Variants in TNXB observed in about 807,000 individuals in gnomAD.
TNXB encodes the protein tenascin-X.
Under a neutral mutation model 340.5 loss-of-function variants are expected in TNXB, and 183 were observed. The ratio of observed to expected loss-of-function variants is 0.54; its 90% CI spans 0.48 to 0.61. The LOEUF is 0.61. Among genes scored for constraint, TNXB ranks in the 20% least tolerant of loss-of-function variants. The probability of loss-of-function intolerance (pLI) is 0.00; values close to 1 mark genes in which losing one functional copy is unlikely to be tolerated. For missense variants in TNXB, 4,613 were observed against 5,446.4 expected, an observed-to-expected ratio of 0.85 and a Z score of 4.82; for synonymous variants, 2,121 against 2,314.5, an observed-to-expected ratio of 0.92 and a Z score of 2.40.
At position 32,069,472 on chromosome 6, in the gene TNXB, G is replaced by T; in HGVS notation, c.5587+81C>A. Reference sequence around the variant, plus strand: ...CAATGGAAATGATATAAAATGGGAAGCTCAGAGATCTTATGGCTCAGTCAG... The same window carrying T: ...CAATGGAAATGATATAAAATGGGAATCTCAGAGATCTTATGGCTCAGTCAG... On this transcript the variant is annotated intron_variant, in intron 15 of 43. Transcript: ENST00000644971. The surrounding 1 kb of genome is among the most constrained non-coding windows in gnomAD (Gnocchi z 6.2). 1 of 1,435,088 alleles carries T rather than the reference G, an allele frequency of 7.0e-7. No individual in the cohort carries two copies. The highest frequency in any genetic ancestry group is 9.3e-7 in the Non-Finnish European group (1 of 1,076,934). The allele number at this position is 1,435,088 out of a possible 1,614,324, so 88.9% of individuals were successfully genotyped here.
In TNXB at chr6:32,070,541, C is replaced by A; in HGVS notation, c.4991-127G>T. ...TCCCCAAAATATTTCCATCACCTCC[C>A]ATCCTCACCACCATCTCCGTCTGGT... On this transcript the variant is annotated intron_variant, in intron 13 of 43. Coordinates refer to ENST00000644971, the MANE Select transcript of TNXB (RefSeq NM_001365276.2). This position sits in a 1 kb window ranked among gnomAD's most constrained non-coding sequence, Gnocchi z 6.0. The A allele has an allele frequency of 9.6e-7, 1 of 1,041,646 alleles. No homozygotes were observed. 64.5% of individuals were successfully genotyped at this position (1,041,646 alleles called of 1,614,324 possible).
Position 32,097,787 on chromosome 6 carries a change from C to T in TNXB, c.403+9G>A. ...ACCTCTCCACCCTCTTCTGTGATCA[C>T]CTGCTCACCTGTGCCAGCTTGGGCA... is the stretch of plus-strand genomic sequence containing the variant. On this transcript the variant is annotated intron_variant, in intron 2 of 43. Transcript: ENST00000644971. The surrounding 1 kb of genome is among the most constrained non-coding windows in gnomAD (Gnocchi z 5.9). 1.3e-6 allele frequency: 2 copies of T among 1,500,860 alleles called. No individual in the cohort carries two copies. The highest frequency in any genetic ancestry group is 1.4e-5 in the African/African-American group (1 of 71,760). The allele number at this position is 1,500,860 out of a possible 1,614,324, so 93.0% of individuals were successfully genotyped here.
chr6:32,048,640 G>A lies in TNXB; in HGVS notation c.9768C>T (p.Pro3256=), dbSNP rs765359950. 3.4e-6 allele frequency: 5 copies of A among 1,484,880 alleles called. No homozygotes were observed. The Admixed American group carries it at 1.1e-4, about 31-fold the overall frequency. 92.0% of individuals were successfully genotyped at this position (1,484,880 alleles called of 1,614,324 possible). The change falls in exon 29 of 44, where the codon CCC becomes CCT. Residue 3256 remains proline, a synonymous_variant. Transcript: ENST00000644971. ...VSTVGITAPL[P]TPLPVEPRLG... ...GGCGGGGCTCCACCGGCAGTGGTGTGGGCAGGGGCGCTGAAAAGAGCAGAG... is the reference window on the plus strand; with the variant it reads ...GGCGGGGCTCCACCGGCAGTGGTGTAGGCAGGGGCGCTGAAAAGAGCAGAG...
chr6:32,056,922 G>A lies in TNXB; in HGVS notation c.7826-19C>T, dbSNP rs371700703. 2.5e-6 allele frequency: 4 copies of A among 1,606,460 alleles called. No individual in the cohort carries two copies. The highest frequency in any genetic ancestry group is 1.1e-5 in the South Asian group (1 of 90,990). Reference sequence around the variant, plus strand: ...TCATCCTCTGGAGTTGGACAGACACGTGTGGGGACAGTGAGGTCCCTGGCT... The same window carrying A: ...TCATCCTCTGGAGTTGGACAGACACATGTGGGGACAGTGAGGTCCCTGGCT... On this transcript the variant is annotated intron_variant, in intron 22 of 43. Coordinates refer to ENST00000644971, the MANE Select transcript of TNXB (RefSeq NM_001365276.2).
In TNXB at chr6:32,108,564, C is replaced by T. The variant is rs1781090132; in HGVS notation, c.-9+617G>A. On this transcript the variant is annotated intron_variant, in intron 1 of 43. Transcript: ENST00000644971. This position sits in a 1 kb window ranked among gnomAD's most constrained non-coding sequence, Gnocchi z 4.8. The stretch of plus-strand genomic sequence containing the variant: ...CCTCTCTGCAGGCTCTGTGCACGTC[C>T]CAGACCCGAGTCCTGACTGTCCCAT... Among the ~76,000 whole-genome samples the T allele has an allele frequency of 6.6e-6, 1 of 152,130 alleles. No homozygotes were observed. The highest frequency in any genetic ancestry group is 1.5e-5 in the Non-Finnish European group (1 of 68,006).
At position 32,047,968 on chromosome 6, in the gene TNXB, TCA is replaced by T; in HGVS notation, c.10088_10089del (p.Val3363AspfsTer6). 2 of 1,610,662 alleles carry T rather than the reference TCA, an allele frequency of 1.2e-6. No homozygotes were observed. Among genetic ancestry groups the T allele is most frequent in the Non-Finnish European group, 1.7e-6 (2 of 1,178,990 alleles). On this transcript the variant is annotated frameshift_variant, in exon 30 of 44. Coordinates refer to ENST00000644971, the MANE Select transcript of TNXB (RefSeq NM_001365276.2). LOFTEE classifies it high-confidence loss of function. The surrounding 1 kb of genome is among the most constrained non-coding windows in gnomAD (Gnocchi z 6.2). The stretch of plus-strand genomic sequence containing the variant: ...CCCACGGAGTCAGGGGTCGCATCTG[TCA>T]CAGTCAGCTCCCCCAGGCGGGGAGA... ...KPSPRLGELTVTDATPDSVGL... is the reference protein window; with the variant it reads ...KPSPRLGELTXTDATPDSVGL...
chr6:32,097,654 TC>T lies in TNXB; in HGVS notation c.403+141del. ...GTTGACATGTAGCCCAGCTCTGCTC[TC>T]CAAGTTGTGTTCTGGGCTGCATCCA... On this transcript the variant is annotated intron_variant, in intron 2 of 43. Transcript: ENST00000644971. The surrounding 1 kb of genome is among the most constrained non-coding windows in gnomAD (Gnocchi z 5.9). The T allele has an allele frequency of 8.6e-7, 1 of 1,163,100 alleles. No individual in the cohort carries two copies. The allele number at this position is 1,163,100 out of a possible 1,614,324, so 72.0% of individuals were successfully genotyped here.
Position 32,049,545 on chromosome 6 carries a change from G to C in TNXB, c.9482C>G (p.Pro3161Arg), listed in dbSNP as rs757265209. Residue 3161 changes from proline to arginine, a missense_variant, in exon 28 of 44, where the codon CCG (proline) becomes CGG (arginine). Transcript: ENST00000644971. The surrounding 1 kb of genome is among the most constrained non-coding windows in gnomAD (Gnocchi z 4.5). ...PSPTEPSTEA[P>R]EAPEEPLLGE... Reference sequence around the variant, plus strand: ...CAGGAGCGGCTCCTCAGGGGCCTCCGGGGCCTCAGTGCTGGGTTCTGTGGG... The same window carrying C: ...CAGGAGCGGCTCCTCAGGGGCCTCCCGGGCCTCAGTGCTGGGTTCTGTGGG... 5.0e-5 allele frequency: 81 copies of C among 1,612,490 alleles called. 1 individual carries two copies. The East Asian group carries it at 1.2e-3, about 24-fold the overall frequency.
intron 1 of TNXB, among the ~76,000 whole-genome samples, chr6:32,107,696 C>T (rs1781049606): frequency 6.6e-6 from 1 of 152,110 alleles, no homozygotes; most frequent in African/African-American, 2.4e-5. Context: ...AACTTTGACA[C>T]TTTGCTCATT....
At chr6:32,098,858 T>A (rs143631267) in intron 1 of TNXB, among the ~76,000 whole-genome samples, 1,977 of 152,336 alleles carry the variant, frequency 0.013, 36 homozygotes, top group Admixed American at 0.036. Context: ...GTGTTCCCTA[T>A]GTCTGGGATG....
intron 1 of TNXB, among the ~76,000 whole-genome samples, chr6:32,106,857 G>C (rs1012034656): frequency 3.9e-5 from 6 of 152,224 alleles, no homozygotes; most frequent in African/African-American, 1.4e-4. Flanking sequence ...CTTGCACAAA[G>C]ATGTGTACAC....
chr6:32,068,386 T>C lies in TNXB; in HGVS notation c.6220+4A>G. 1 of 1,612,752 alleles carries C rather than the reference T, an allele frequency of 6.2e-7. No individual in the cohort carries two copies. Among genetic ancestry groups the C allele is most frequent in the Non-Finnish European group, 8.5e-7 (1 of 1,179,118 alleles). ...CCACCCTGGGGCTCCCATCATCCAC[T>C]CACCTGTCACCCCGACGACAGACAC... On this transcript the variant is annotated splice_donor_region_variant and intron_variant, in intron 17 of 43. Coordinates refer to ENST00000644971, the MANE Select transcript of TNXB (RefSeq NM_001365276.2). The surrounding 1 kb of genome is among the most constrained non-coding windows in gnomAD (Gnocchi z 5.3).
At position 32,069,649 on chromosome 6, in the gene TNXB, C is replaced by T. The variant is rs188124424; in HGVS notation, c.5491G>A (p.Val1831Met). 1.9e-4 allele frequency: 305 copies of T among 1,612,910 alleles called. No homozygotes were observed. Among genetic ancestry groups the T allele is most frequent in the Non-Finnish European group, 2.4e-4 (285 of 1,179,550 alleles). ...PVEGSLREVS[V>M]PGLDPAHRYK... ...CTGTGGGCAGGGTCCAGGCCCGGCA[C>T]GCTGACCTCCCTGAGGCTGCCCTCC... Residue 1831 changes from valine (V) to methionine (M), a missense_variant, in exon 15 of 44, where the codon GTG (valine) becomes ATG (methionine). Physicochemically the swap from Val to Met is conservative, Grantham distance 21 (BLOSUM62 1). Around this residue, in one of 7 missense-constraint regions of TNXB, gnomAD observed 4,327 missense variants for 4,859.4 expected, o/e 0.89. Coordinates refer to ENST00000644971, the MANE Select transcript of TNXB (RefSeq NM_001365276.2). The surrounding 1 kb of genome is among the most constrained non-coding windows in gnomAD (Gnocchi z 6.2).
Position 32,096,188 on chromosome 6 carries a change from G to T in TNXB, c.1665C>A (p.Ser555Arg). The change falls in exon 3 of 44, where the codon AGC (serine) becomes AGA (arginine). Residue 555 changes from serine (S) to arginine (R), a missense_variant. Around this residue, in one of 7 missense-constraint regions of TNXB, gnomAD observed 4,327 missense variants for 4,859.4 expected, o/e 0.89. Transcript: ENST00000644971. ...GGCAGCCCCCGGGGCAGCTGCGCGT[G>T]CTGCAGTCTTCCCCTGAGTAGCCTG... ...CDAGYSGEDC[S>R]TRSCPGGCRG... 1 of 1,568,464 alleles carries T rather than the reference G, an allele frequency of 6.4e-7. No individual in the cohort carries two copies.
At chr6:32,100,601 C>T (rs766601523) in intron 1 of TNXB, among the ~76,000 whole-genome samples, 4 of 152,054 alleles carry the variant, frequency 2.6e-5, no homozygotes, top group Non-Finnish European at 4.4e-5. Flanking sequence ...TGGTGGTACA[C>T]CTGTAGTCCC....
In TNXB at chr6:32,081,855, C is replaced by G. The variant is rs1779470309; in HGVS notation, c.3736+181G>C. The stretch of plus-strand genomic sequence containing the variant: ...ACACCTTCTGGGCCACGGGGAGCTG[C>G]TGCTTGGGATGGAAGGGGCCCAGCA... On this transcript the variant is annotated intron_variant, in intron 9 of 43. Transcript: ENST00000644971. The surrounding 1 kb of genome is among the most constrained non-coding windows in gnomAD (Gnocchi z 5.1). Among the ~76,000 whole-genome samples the G allele has an allele frequency of 6.6e-6, 1 of 152,144 alleles. No homozygotes were observed. The highest frequency in any genetic ancestry group is 1.5e-5 in the Non-Finnish European group (1 of 68,010).
chr6:32,052,835 C>A lies in TNXB; in HGVS notation c.8950G>T (p.Val2984Leu). ...CGCCCGTCCCTGTCCTTGTACTGCACAGTGAAGGAGTCGAAGCGGCCCTGG... is the reference window on the plus strand; with the variant it reads ...CGCCCGTCCCTGTCCTTGTACTGCAAAGTGAAGGAGTCGAAGCGGCCCTGG... ...IPQGRFDSFTVQYKDRDGRPQ... is the reference protein window; with the variant it reads ...IPQGRFDSFTLQYKDRDGRPQ... Residue 2984 changes from valine (V) to leucine (L), a missense_variant, in exon 26 of 44, where the codon GTG (valine) becomes TTG (leucine). This residue lies in a region of TNXB where 4,327 missense variants were observed against 4,859.4 expected (regional missense o/e 0.89). Coordinates refer to ENST00000644971, the MANE Select transcript of TNXB (RefSeq NM_001365276.2). The surrounding 1 kb of genome is among the most constrained non-coding windows in gnomAD (Gnocchi z 4.7). 3 of 1,613,660 alleles carry A rather than the reference C, an allele frequency of 1.9e-6. No individual in the cohort carries two copies. The highest frequency in any genetic ancestry group is 2.5e-6 in the Non-Finnish European group (3 of 1,179,892).
In TNXB at chr6:32,096,154, C is replaced by T. The variant is rs1193189844; in HGVS notation, c.1699G>A (p.Gly567Ser). Reference protein sequence around the residue: ...RSCPGGCRGRGQCLDGRCVCE... With the variant: ...RSCPGGCRGRSQCLDGRCVCE... Reference sequence around the variant, plus strand: ...ACACACCGCCCATCTAGGCACTGGCCGCGGCCTCGGCAGCCCCCGGGGCAG... The same window carrying T: ...ACACACCGCCCATCTAGGCACTGGCTGCGGCCTCGGCAGCCCCCGGGGCAG... The change falls in exon 3 of 44, where the codon GGC becomes AGC. Residue 567 changes from glycine (G) to serine (S), a missense_variant. Gly to Ser is a moderately conservative substitution (Grantham distance 56). Around this residue, in one of 7 missense-constraint regions of TNXB, gnomAD observed 4,327 missense variants for 4,859.4 expected, o/e 0.89. Coordinates refer to ENST00000644971, the MANE Select transcript of TNXB (RefSeq NM_001365276.2). 5 of 1,586,810 alleles carry T rather than the reference C, an allele frequency of 3.2e-6. No homozygotes were observed. The highest frequency in any genetic ancestry group is 1.3e-5 in the African/African-American group (1 of 74,332).
At chr6:32,078,104 A>AAAGG (rs1329073099) in intron 11 of TNXB, among the ~76,000 whole-genome samples, 1 of 146,572 alleles carries the variant, frequency 6.8e-6, no homozygotes, top group Non-Finnish European at 1.5e-5. Flanking sequence ...AGAAAGAAAG[A>AAAGG]AAGAAAGAAA....
Sources: gnomAD v4.1 joint callset for allele counts (sites outside exome capture counted in the v4.1 genomes callset) on GRCh38, gnomAD v4.1.1 for gene constraint, gnomAD v4.1.1 regional missense constraint, Gnocchi (gnomAD v3.1) non-coding constraint, MANE v1.5 for transcripts, NCBI Gene and HGNC (gene_info 2026-07-23, HGNC 2026-07-21) for gene names.